BRD7: variants seen among roughly 807,000 people sequenced by gnomAD.
The protein encoded by BRD7 is bromodomain-containing protein 7.
BRD7 carries 15 observed loss-of-function variants against 82.1 expected under a neutral mutation model. That is an observed-to-expected ratio of 0.18 (90% CI 0.12 to 0.28). The LOEUF (loss-of-function observed/expected upper bound fraction) is 0.28, where lower values mean the gene tolerates loss of function less well. Among genes scored for constraint, BRD7 ranks in the 10% least tolerant of loss-of-function variants. The pLI, the probability that BRD7 is intolerant of heterozygous loss-of-function variation, is 1.00. For synonymous variants in BRD7, 232 were observed against 266.9 expected (o/e 0.87, Z 1.27); for missense variants, 638 against 779.9 (o/e 0.82, Z 2.17).
chr16:50,339,052 G>A (rs1455161579), intron 6 of BRD7, among the ~76,000 whole-genome samples: 1 of 152,232 alleles, frequency 6.6e-6, no homozygotes, highest in Non-Finnish European at 1.5e-5. Flanking sequence ...GGGGACACTA[G>A]TAATTTTTTG....
At chr16:50,366,023 T>C (rs1475174254) in intron 2 of BRD7, among the ~76,000 whole-genome samples, 1 of 152,158 alleles carries the variant, frequency 6.6e-6, no homozygotes, top group African/African-American at 2.4e-5. Flanking sequence ...ACTGGTCATA[T>C]GCAAAGGACT....
At chr16:50,326,009 A>G (rs2037323570) in intron 10 of BRD7, 126 bp from the exon 11 acceptor site, 1 of 1,029,146 alleles carries the variant, frequency 9.7e-7, no homozygotes, top group Admixed American at 3.2e-5. Flanking sequence ...CAAATCTAAG[A>G]TATTTTCTCT....
chr16:50,352,425 T>G (rs1428234945), intron 4 of BRD7, among the ~76,000 whole-genome samples: 2 of 152,198 alleles, frequency 1.3e-5, no homozygotes, highest in Non-Finnish European at 2.9e-5. Context: ...ACATACCACA[T>G]TTTAAAAAAT....
intron 7 of BRD7, 141 bp downstream of exon 7, chr16:50,334,569 CA>C (rs2037711306): frequency 1.1e-6 from 1 of 934,312 alleles, no homozygotes; most frequent in Non-Finnish European, 1.6e-6. Flanking sequence ...ATCACACCAT[CA>C]AAATGGACTT....
At chr16:50,356,595 T>C (rs759071036) in intron 2 of BRD7, among the ~76,000 whole-genome samples, 9 of 152,108 alleles carry the variant, frequency 5.9e-5, no homozygotes, top group Admixed American at 1.3e-4. Flanking sequence ...CTTGTAATTA[T>C]AAAAACATGC....
At position 50,340,036 on chromosome 16, in the gene BRD7, C is replaced by G; in HGVS notation, c.642G>C (p.Glu214Asp). The G allele has an allele frequency of 6.3e-7, 1 of 1,596,766 alleles. No homozygotes were observed. Among genetic ancestry groups the G allele is most frequent in the South Asian group, 1.1e-5 (1 of 88,772 alleles). The change falls in exon 6 of 17, where the codon GAG becomes GAC. Residue 214 changes from glutamate to aspartate, a missense_variant. This residue lies in a region of BRD7 where 64 missense variants were observed against 123.8 expected (regional missense o/e 0.52). Transcript: ENST00000394688. ...TCTTTGCAGCTTTATAATAAATGGT[C>G]TCTGGTTTATTGTAAATCATGGCAT... ...CTNAMIYNKP[E>D]TIYYKAAKKL...
chr16:50,341,630 G>T (rs2038057764), intron 5 of BRD7, among the ~76,000 whole-genome samples: 1 of 131,070 alleles, frequency 7.6e-6, no homozygotes, highest in Non-Finnish European at 1.6e-5. Flanking sequence ...GCAACAGAGT[G>T]AGACTCGGTC....
At chr16:50,349,681 T>A in intron 5 of BRD7, 2 of 448,854 alleles carry the variant, frequency 4.5e-6, no homozygotes, top group Middle Eastern at 3.4e-4. Context: ...TGTCTAGAAA[T>A]AGAAAAAACC....
At chr16:50,368,495 G>C in intron 1 of BRD7, 197 bp from the exon 2 acceptor site, 1 of 755,334 alleles carries the variant, frequency 1.3e-6, no homozygotes, top group East Asian at 2.9e-5. Context: ...CAGGCCTCCC[G>C]GGCCCGCCTC....
chr16:50,321,526 C>T (rs1161265846), intron 13 of BRD7, among the ~76,000 whole-genome samples: 1 of 136,444 alleles, frequency 7.3e-6, no homozygotes, highest in African/African-American at 2.8e-5. Context: ...GAGATTGTGC[C>T]ACTGCACTCC....
At chr16:50,328,826 C>T (rs1013588706) in intron 8 of BRD7, 82 bp from the exon 9 acceptor site, 14 of 1,300,094 alleles carry the variant, frequency 1.1e-5, no homozygotes, top group African/African-American at 5.9e-5. Flanking sequence ...ATGCTTGATA[C>T]CAGAGTGTTG....
At chr16:50,349,560 A>T (rs1047664106) in intron 5 of BRD7, 2 of 469,858 alleles carry the variant, frequency 4.3e-6, no homozygotes, top group Non-Finnish European at 8.8e-6. Flanking sequence ...TGTCCTGTAC[A>T]GCCTGTGGAA....
intron 12 of BRD7, among the ~76,000 whole-genome samples, chr16:50,323,126 A>G (rs1343670667): frequency 6.6e-6 from 1 of 152,250 alleles, no homozygotes; most frequent in Admixed American, 6.5e-5. Flanking sequence ...ATTACCAACT[A>G]TCTCCAACTG....
At chr16:50,354,520 G>A in intron 3 of BRD7, 38 bp from the exon 4 acceptor site, 1 of 1,542,342 alleles carries the variant, frequency 6.5e-7, no homozygotes, top group East Asian at 2.3e-5. Flanking sequence ...ATTTTAAAAA[G>A]GAGTATTCTA....
In BRD7 at chr16:50,318,940, G is replaced by A. The variant is rs1319710270; in HGVS notation, c.*271C>T. 8.2e-6 allele frequency: 3 copies of A among 366,166 alleles called. No individual in the cohort carries two copies. The highest frequency in any genetic ancestry group is 1.5e-5 in the Non-Finnish European group (3 of 202,358). The allele number at this position is 366,166 out of a possible 1,614,324, so 22.7% of individuals were successfully genotyped here. On this transcript the variant is annotated 3_prime_UTR_variant, in exon 17 of 17. Coordinates refer to ENST00000394688, the MANE Select transcript of BRD7 (RefSeq NM_013263.5). ...AAGAACGCTTCTTAGTGATGATCCT[G>A]TCTGTGGGACATAAGGAAGAAGCAT...
rs546779354 is a variant in BRD7, at chr16:50,321,860, C to T, written c.1500+122G>A. The T allele has an allele frequency of 1.4e-5, 12 of 855,330 alleles. No individual in the cohort carries two copies. In the African/African-American group the frequency reaches 1.7e-4, roughly 12 times the overall value. The allele number at this position is 855,330 out of a possible 1,614,324, so 53.0% of individuals were successfully genotyped here. ...TATGGTTTGCCATTTCAGCTAGGCCCTCACAACTCTACTCACTAACCTTTT... is the reference window on the plus strand; with the variant it reads ...TATGGTTTGCCATTTCAGCTAGGCCTTCACAACTCTACTCACTAACCTTTT... On this transcript the variant is annotated intron_variant, in intron 13 of 16. Coordinates refer to ENST00000394688, the MANE Select transcript of BRD7 (RefSeq NM_013263.5).
chr16:50,347,928 A>G, intron 5 of BRD7, among the ~76,000 whole-genome samples: 1 of 152,148 alleles, frequency 6.6e-6, no homozygotes, highest in Non-Finnish European at 1.5e-5. Context: ...TTCATATGGA[A>G]CCAAAAAAGA....
chr16:50,355,390 C>T (rs1302722841), intron 2 of BRD7, among the ~76,000 whole-genome samples: 2 of 152,124 alleles, frequency 1.3e-5, no homozygotes, highest in African/African-American at 4.8e-5. Context: ...ATTAATTTAC[C>T]TCGAAGAGTG....
intron 16 of BRD7, among the ~76,000 whole-genome samples, chr16:50,319,615 A>T (rs893841556): frequency 6.6e-5 from 10 of 152,254 alleles, no homozygotes; most frequent in African/African-American, 2.4e-4. Context: ...AATTAAAAAA[A>T]TACAACAAAC....
Sources: gnomAD v4.1 joint callset for allele counts (sites outside exome capture counted in the v4.1 genomes callset) on GRCh38, gnomAD v4.1.1 for gene constraint, gnomAD v4.1.1 regional missense constraint, MANE v1.5 for transcripts, NCBI Gene and HGNC (gene_info 2026-07-23, HGNC 2026-07-21) for gene names.